The following TRHDE variants were observed in gnomAD, a reference collection of about 807,000 sequenced individuals.
TRHDE encodes the protein thyrotropin releasing hormone degrading enzyme, also known as thyrotropin-releasing hormone-degrading ectoenzyme.
TRHDE carries 72 observed loss-of-function variants against 125.7 expected under a neutral mutation model. The observed-to-expected ratio is 0.57, with a 90% CI of 0.47 to 0.70. The LOEUF (loss-of-function observed/expected upper bound fraction) is 0.70. TRHDE is among the 30% of genes least tolerant of loss of function. The pLI is 0.00. For missense variants in TRHDE, 1,110 were observed against 1,327.1 expected (o/e 0.84, Z 2.54); for synonymous variants, 509 against 509.1 (o/e 1.00, Z 0.00).
intron 2 of TRHDE, chr12:72,263,474 T>A (rs528740581): frequency 6.6e-6 from 1 of 152,202 alleles, no homozygotes; most frequent in East Asian, 1.9e-4. Flanking sequence ...GACAGCCACA[T>A]AAAGGTTAAA....
chr12:72,243,557 G>C (rs531554476), intron 2 of TRHDE, among the ~76,000 whole-genome samples: 6 of 151,746 alleles, frequency 4.0e-5, no homozygotes, highest in Non-Finnish European at 8.8e-5. Context: ...GCAAATATTG[G>C]TTTAGTAATT....
intron 3 of TRHDE, among the ~76,000 whole-genome samples, chr12:72,418,574 T>G (rs1446978750): frequency 6.6e-6 from 1 of 152,016 alleles, no homozygotes; most frequent in Non-Finnish European, 1.5e-5. Flanking sequence ...TAAGAGGAAA[T>G]CAGAGTGACA....
chr12:72,380,546 C>T (rs990331189), intron 3 of TRHDE, among the ~76,000 whole-genome samples: 12 of 152,072 alleles, frequency 7.9e-5, no homozygotes, highest in Admixed American at 7.2e-4. Context: ...AACAAAGTGC[C>T]TAGACATTGA....
chr12:72,206,471 A>T (rs1401879691), intron 2 of TRHDE, among the ~76,000 whole-genome samples: 1 of 152,196 alleles, frequency 6.6e-6, no homozygotes, highest in Admixed American at 6.5e-5. Flanking sequence ...CATAGAGTAG[A>T]AACTTTATTT....
At chr12:72,373,701 G>C (rs1871730259) in intron 2 of TRHDE, among the ~76,000 whole-genome samples, 1 of 152,160 alleles carries the variant, frequency 6.6e-6, no homozygotes, top group Non-Finnish European at 1.5e-5. Flanking sequence ...TAAAGAAGAT[G>C]GAGGAACTAG....
intron 2 of TRHDE, among the ~76,000 whole-genome samples, chr12:72,217,224 A>G (rs1409844124): frequency 6.6e-6 from 1 of 152,196 alleles, no homozygotes; most frequent in African/African-American, 2.4e-5. Context: ...AATCAGGCCT[A>G]GTAATGAACT....
intron 7 of TRHDE, among the ~76,000 whole-genome samples, chr12:72,543,210 A>G (rs1869239838): frequency 6.6e-6 from 1 of 151,474 alleles, no homozygotes; most frequent in African/African-American, 2.4e-5. Context: ...GTCATATTTT[A>G]GTAGTATAAT....
intron 18 of TRHDE, among the ~76,000 whole-genome samples, chr12:72,659,234 A>G (rs962608019): frequency 1.7e-4 from 26 of 152,146 alleles, no homozygotes; most frequent in African/African-American, 6.3e-4. Flanking sequence ...CTGAAACTGG[A>G]GTTTCCTTTT....
At chr12:72,582,159 G>A (rs1487616249) in intron 12 of TRHDE, 2 of 573,228 alleles carry the variant, frequency 3.5e-6, no homozygotes, top group Non-Finnish European at 4.4e-6. Context: ...GTCATCAGTA[G>A]TGCATAATAT....
intron 6 of TRHDE, among the ~76,000 whole-genome samples, chr12:72,519,474 A>T (rs1879063048): frequency 6.6e-6 from 1 of 151,830 alleles, no homozygotes; most frequent in African/African-American, 2.4e-5. Flanking sequence ...GTAGTTCTCG[A>T]GCCTTGGTTT....
intron 5 of TRHDE, among the ~76,000 whole-genome samples, chr12:72,478,390 C>T (rs539734351): frequency 6.6e-6 from 1 of 152,254 alleles, no homozygotes; most frequent in Admixed American, 6.5e-5. Flanking sequence ...TTTCTCTGTT[C>T]CCTCCTGCTT....
chr12:72,588,531 T>A (rs949860761), intron 12 of TRHDE, among the ~76,000 whole-genome samples: 1 of 152,186 alleles, frequency 6.6e-6, no homozygotes, highest in African/African-American at 2.4e-5. Flanking sequence ...ATTTGCAGTT[T>A]TTTTCAGAGT....
intron 10 of TRHDE, 84 bp from the exon 11 acceptor site, chr12:72,575,171 T>G: frequency 7.8e-7 from 1 of 1,278,202 alleles, no homozygotes; most frequent in South Asian, 1.4e-5. Context: ...TTATTGGTAT[T>G]GTTATATCTG....
chr12:72,456,176 C>G (rs11179214), intron 3 of TRHDE, among the ~76,000 whole-genome samples: 83,018 of 140,318 alleles, frequency 0.59, 26,565 homozygotes, highest in Non-Finnish European at 0.73. Context: ...CACACACACA[C>G]AGAGACTCAG....
At chr12:72,552,235 A>C (rs1707268455) in intron 7 of TRHDE, among the ~76,000 whole-genome samples, 1 of 152,144 alleles carries the variant, frequency 6.6e-6, no homozygotes, top group Non-Finnish European at 1.5e-5. Flanking sequence ...CAAGAAAGGG[A>C]TTGGGCAAAA....
At chr12:72,359,039 A>T (rs1870946743) in intron 2 of TRHDE, among the ~76,000 whole-genome samples, 1 of 151,606 alleles carries the variant, frequency 6.6e-6, no homozygotes, top group South Asian at 2.1e-4. Flanking sequence ...CTTTAGGAAA[A>T]GTTAAATTTT....
intron 17 of TRHDE, 58 bp downstream of exon 17, chr12:72,653,214 A>T: frequency 6.9e-7 from 1 of 1,451,724 alleles, no homozygotes; most frequent in Non-Finnish European, 9.3e-7. Flanking sequence ...GGAGGAATAA[A>T]GGCCCAAGTT....
At chr12:72,206,047 A>G (rs1010544253) in intron 2 of TRHDE, among the ~76,000 whole-genome samples, 18 of 150,406 alleles carry the variant, frequency 1.2e-4, no homozygotes, top group African/African-American at 4.4e-4. Flanking sequence ...TGGCCATCCT[A>G]ACAGGTGTGG....
intron 6 of TRHDE, among the ~76,000 whole-genome samples, chr12:72,512,577 C>T (rs1440657020): frequency 3.0e-5 from 4 of 133,894 alleles, no homozygotes; most frequent in East Asian, 2.1e-4. Context: ...AATATATAAT[C>T]ATATAATAAT....
Sources: gnomAD v4.1 joint callset for allele counts (sites outside exome capture counted in the v4.1 genomes callset) on GRCh38, gnomAD v4.1.1 for gene constraint, MANE v1.5 for transcripts, NCBI Gene and HGNC (gene_info 2026-07-23, HGNC 2026-07-21) for gene names.